Variants in CALHM4 observed in about 807,000 individuals in gnomAD.
CALHM4 encodes calcium homeostasis modulator family member 4.
In CALHM4, 16 loss-of-function variants were observed where a neutral mutation model predicts 13.3. The ratio of observed to expected loss-of-function variants is 1.20; its 90% CI spans 0.81 to 1.82. The LOEUF (loss-of-function observed/expected upper bound fraction) is 1.82, where lower values mean the gene tolerates loss of function less well. Among genes scored for constraint, CALHM4 ranks in the 40% most tolerant of loss-of-function variants. The probability of loss-of-function intolerance (pLI) is 0.00; values close to 1 mark genes in which losing one functional copy is unlikely to be tolerated. For missense variants in CALHM4, 344 were observed against 374.9 expected (o/e 0.92, Z 0.68); for synonymous variants, 127 against 137.1 (o/e 0.93, Z 0.52).
intron 2 of CALHM4, among the ~76,000 whole-genome samples, chr6:116,548,005 C>T (rs1339751639): frequency 2.0e-5 from 3 of 152,126 alleles, no homozygotes; most frequent in African/African-American, 2.4e-5. Context: ...GCTGATCTGT[C>T]GGTTGTATGA....
Position 116,557,791 on chromosome 6 carries a change from A to T in CALHM4, c.559-34A>T, listed in dbSNP as rs757652562. ...TTGCTTGAATATTTGATGCATTGAT[A>T]CTTCCTGTTTTTCTTTTTAATAATG... On this transcript the variant is annotated intron_variant, in intron 1 of 1. Transcript: ENST00000368596. 24 of 1,591,360 alleles carry T rather than the reference A, an allele frequency of 1.5e-5. 1 individual carries two copies. The South Asian group carries it at 2.7e-4, about 18-fold the overall frequency.
chr6:116,532,980 G>A (rs749043252), intron 1 of CALHM4, among the ~76,000 whole-genome samples: 8 of 152,126 alleles, frequency 5.3e-5, no homozygotes, highest in Non-Finnish European at 7.3e-5. Context: ...ATTTCAGAAC[G>A]TCAACTTGGT....
Position 116,558,330 on chromosome 6 carries a change from G to A in CALHM4, c.*119G>A, listed in dbSNP as rs529007727. 1.1e-4 allele frequency: 121 copies of A among 1,100,350 alleles called. No individual in the cohort carries two copies. The highest frequency in any genetic ancestry group is 4.7e-4 in the African/African-American group (30 of 63,224). The allele number at this position is 1,100,350 out of a possible 1,614,324, so 68.2% of individuals were successfully genotyped here. A position where few individuals can be genotyped will look rare whatever the true frequency, so the allele number is the denominator to read the frequency against. ...TTCTTTCTCTCTGATATTTGTTTAC[G>A]TAAGTCCATCTCAAATATTATTTCT... On this transcript the variant is annotated 3_prime_UTR_variant, in exon 2 of 2. Coordinates refer to ENST00000368596, the MANE Select transcript of CALHM4 (RefSeq NM_001366078.2).
At chr6:116,553,493 A>T (rs1257579873), upstream of CALHM4, among the ~76,000 whole-genome samples, 1 of 152,244 alleles carries the variant, frequency 6.6e-6, no homozygotes, top group African/African-American at 2.4e-5. Flanking sequence ...GCACATAGAA[A>T]GATGGAGGCA....
Position 116,536,395 on chromosome 6 carries a change from T to C in CALHM4, c.-109+7205T>C, listed in dbSNP as rs540387042. Among the ~76,000 whole-genome samples the C allele has an allele frequency of 7.9e-5, 12 of 152,318 alleles. No individual in the cohort carries two copies. The South Asian group carries it at 1.5e-3, about 18-fold the overall frequency. ...GGCCTAATGACAGACCGACCTCCTC[T>C]TTGAAGAAAAAAACTAGTGAGGGAA... On this transcript the variant is annotated intron_variant, in intron 1 of 2. Coordinates refer to the CALHM4 transcript ENST00000368597.
chr6:116,554,387 A>T lies in CALHM4; in HGVS notation c.558+36A>T, dbSNP rs749739136. On this transcript the variant is annotated intron_variant, in intron 1 of 1. Transcript: ENST00000368596. Reference sequence around the variant, plus strand: ...AGAATTTTTTTCCCTCTGCTATGTTATCCTATAGAACTACAGTCAATGGAA... The same window carrying T: ...AGAATTTTTTTCCCTCTGCTATGTTTTCCTATAGAACTACAGTCAATGGAA... 76 of 1,458,272 alleles carry T rather than the reference A, an allele frequency of 5.2e-5. 1 individual carries two copies. In the Admixed American group the frequency reaches 9.2e-4, roughly 18 times the overall value. The allele number at this position is 1,458,272 out of a possible 1,614,324, so 90.3% of individuals were successfully genotyped here. A position where few individuals can be genotyped will look rare whatever the true frequency, so the allele number is the denominator to read the frequency against.
Position 116,559,463 on chromosome 6 carries a change from A to G in CALHM4, c.*1252A>G, listed in dbSNP as rs1465866317. ...AATTATGGAAGGTTTTATTTTCTAT[A>G]AAGTTCTGGGTCCTTGAACTTAATA... On this transcript the variant is annotated 3_prime_UTR_variant, in exon 2 of 2. Coordinates refer to ENST00000368596, the MANE Select transcript of CALHM4 (RefSeq NM_001366078.2). Among the ~76,000 whole-genome samples the G allele has an allele frequency of 6.6e-6, 1 of 152,186 alleles. No individual in the cohort carries two copies. Among genetic ancestry groups the G allele is most frequent in the Non-Finnish European group, 1.5e-5 (1 of 68,020 alleles).
chr6:116,543,038 G>C (rs749287233), intron 1 of CALHM4, among the ~76,000 whole-genome samples: 1 of 152,014 alleles, frequency 6.6e-6, no homozygotes, highest in Non-Finnish European at 1.5e-5. Flanking sequence ...GCTTATAAGC[G>C]ACTCTTAAGT....
intron 1 of CALHM4, 109 bp from the exon 2 acceptor site, chr6:116,557,716 T>C: frequency 1.5e-6 from 2 of 1,308,684 alleles, no homozygotes; most frequent in Non-Finnish European, 2.1e-6. Context: ...GCAAATTTTA[T>C]GTCCATATTT....
At chr6:116,540,250 G>A (rs1433303015) in intron 1 of CALHM4, 2 of 947,984 alleles carry the variant, frequency 2.1e-6, no homozygotes, top group South Asian at 1.7e-5. Context: ...TCCTTTCTCA[G>A]CACCTAACAA....
chr6:116,546,699 G>T (rs760586917), intron 2 of CALHM4, among the ~76,000 whole-genome samples: 4 of 152,130 alleles, frequency 2.6e-5, no homozygotes, highest in Non-Finnish European at 5.9e-5. Flanking sequence ...GAACCAAAGA[G>T]ACGAGGCGTA....
chr6:116,535,509 G>A (rs954080061), intron 1 of CALHM4, among the ~76,000 whole-genome samples: 14 of 152,086 alleles, frequency 9.2e-5, no homozygotes, highest in Admixed American at 9.2e-4. Flanking sequence ...TCCTAATAAC[G>A]AAACTATTTT....
At chr6:116,549,401 T>A (rs992648731), upstream of CALHM4, among the ~76,000 whole-genome samples, 3 of 152,224 alleles carry the variant, frequency 2.0e-5, no homozygotes, top group Non-Finnish European at 2.9e-5. Context: ...CTTTGCTTTT[T>A]TAAATTTTTG....
chr6:116,543,367 G>A (rs1231541683), intron 1 of CALHM4: 2 of 1,549,942 alleles, frequency 1.3e-6, no homozygotes, highest in Admixed American at 3.9e-5. Flanking sequence ...TGGGCAACCA[G>A]AGCTCCATAG....
At chr6:116,529,523 A>G (rs1351091456) in intron 1 of CALHM4, among the ~76,000 whole-genome samples, 1 of 152,182 alleles carries the variant, frequency 6.6e-6, no homozygotes, top group Non-Finnish European at 1.5e-5. Context: ...GTGCTGCTCG[A>G]GGTAAAGTAG....
intron 1 of CALHM4, among the ~76,000 whole-genome samples, chr6:116,530,193 T>C (rs1401059022): frequency 1.3e-5 from 2 of 151,546 alleles, no homozygotes; most frequent in African/African-American, 4.9e-5. Context: ...GTAAGTAAAA[T>C]ACAGAAGCAT....
At chr6:116,535,079 AGTAACTAGAAG>A (rs1365501289) in intron 1 of CALHM4, among the ~76,000 whole-genome samples, 1 of 152,232 alleles carries the variant, frequency 6.6e-6, no homozygotes, top group Non-Finnish European at 1.5e-5. Context: ...AAACATTGTC[AGTAACTAGAAG>A]GTATGGATGG....
At chr6:116,543,886 C>T (rs1773610911) in intron 2 of CALHM4, 1 of 1,524,170 alleles carries the variant, frequency 6.6e-7, no homozygotes, top group African/African-American at 1.4e-5. Flanking sequence ...AGTTTCTTTT[C>T]TTTTTACTTA....
At chr6:116,539,292 C>A (rs917929062) in intron 1 of CALHM4, among the ~76,000 whole-genome samples, 2 of 152,042 alleles carry the variant, frequency 1.3e-5, no homozygotes, top group Non-Finnish European at 2.9e-5. Flanking sequence ...GGACTTTTTT[C>A]CCCAGCCTGG....
Sources: allele counts gnomAD v4.1 joint callset (sites outside exome capture counted in the v4.1 genomes callset), GRCh38; gene constraint gnomAD v4.1.1; transcripts MANE v1.5; gene names NCBI Gene and HGNC (gene_info 2026-07-23, HGNC 2026-07-21).